Variants in ALDH2 observed in about 807,000 individuals in gnomAD.
ALDH2 encodes aldehyde dehydrogenase 2 family member.
Under a neutral mutation model 59.6 loss-of-function variants are expected in ALDH2, and 44 were observed. The ratio of observed to expected loss-of-function variants is 0.74; its 90% CI spans 0.58 to 0.95. The LOEUF (loss-of-function observed/expected upper bound fraction) is 0.95, where lower values mean the gene tolerates loss of function less well. Ranked by LOEUF, ALDH2 falls within the 40% of genes least tolerant of loss-of-function variation. ALDH2 has a pLI of 0.00. For missense variants in ALDH2, 570 were observed against 696.3 expected (o/e 0.82, Z 2.04); for synonymous variants, 291 against 284.0 (o/e 1.02, Z -0.25).
chr12:111,796,100 A>C (rs888678784), intron 9 of ALDH2, among the ~76,000 whole-genome samples: 1 of 145,876 alleles, frequency 6.9e-6, no homozygotes, highest in African/African-American at 2.5e-5. Context: ...ATCTCTACTA[A>C]AAAAAAAAAA....
rs1282474215 is a variant in ALDH2, at chr12:111,810,480, A to G, written c.*905A>G. The G allele has an allele frequency of 1.3e-5, 2 of 152,070 alleles. No individual in the cohort carries two copies. The highest frequency in any genetic ancestry group is 2.9e-5 in the Non-Finnish European group (2 of 68,012). The allele number at this position is 152,070 out of a possible 1,614,324, so 9.4% of individuals were successfully genotyped here. The stretch of plus-strand genomic sequence containing the variant: ...TGTGCTTGAATGTTTCATGCATTTA[A>G]TTTGTTTCATGCATTTAACTTCTGG... On this transcript the variant is annotated 3_prime_UTR_variant, in exon 13 of 13. Coordinates refer to ENST00000261733, the MANE Select transcript of ALDH2 (RefSeq NM_000690.4).
At chr12:111,781,115 GA>G (rs948470523) in intron 1 of ALDH2, among the ~76,000 whole-genome samples, 1 of 151,274 alleles carries the variant, frequency 6.6e-6, no homozygotes, top group African/African-American at 2.4e-5. Flanking sequence ...TCTCAAAAAA[GA>G]AAAAAAACAA....
At chr12:111,789,114 T>C (rs534691599) in intron 4 of ALDH2, among the ~76,000 whole-genome samples, 4 of 146,504 alleles carry the variant, frequency 2.7e-5, no homozygotes, top group Admixed American at 1.4e-4. Context: ...GCCTCCCAGG[T>C]TTAAGCCATT....
chr12:111,817,497 A>G lies in ALDH2; in HGVS notation c.*7922A>G, dbSNP rs769314079. The stretch of plus-strand genomic sequence containing the variant: ...CTGGAGCTGGTCCTTCTTAGTTGCC[A>G]AAAAAGACATAAGGATTAAAAAGAC... On this transcript the variant is annotated 3_prime_UTR_variant, in exon 13 of 13. Transcript: ENST00000261733. The G allele has an allele frequency of 1.3e-5, 2 of 152,210 alleles. No individual in the cohort carries two copies. The highest frequency in any genetic ancestry group is 2.9e-5 in the Non-Finnish European group (2 of 68,040). The allele number at this position is 152,210 out of a possible 1,614,324, so 9.4% of individuals were successfully genotyped here. A position where few individuals can be genotyped will look rare whatever the true frequency, so the allele number is the denominator to read the frequency against.
At chr12:111,778,283 G>A (rs1252456822) in intron 1 of ALDH2, among the ~76,000 whole-genome samples, 2 of 152,154 alleles carry the variant, frequency 1.3e-5, no homozygotes, top group African/African-American at 4.8e-5. Flanking sequence ...GGTGGCTCAC[G>A]CCTGTAATCC....
intron 6 of ALDH2, 77 bp from the exon 7 acceptor site, chr12:111,791,229 A>G: frequency 9.1e-7 from 1 of 1,093,188 alleles, no homozygotes; most frequent in African/African-American, 1.6e-5. Flanking sequence ...CTCTCTGAGA[A>G]AGGATGTGTC....
intron 5 of ALDH2, among the ~76,000 whole-genome samples, 159 bp from the exon 6 acceptor site, chr12:111,790,275 T>C (rs1406749331): frequency 1.3e-5 from 2 of 152,154 alleles, no homozygotes; most frequent in African/African-American, 4.8e-5. Flanking sequence ...GCCTGCCTCA[T>C]CCATTCATCT....
chr12:111,782,078 G>A (rs1022850698), intron 2 of ALDH2, 56 bp downstream of exon 2: 39 of 1,378,018 alleles, frequency 2.8e-5, no homozygotes, highest in African/African-American at 2.3e-4. Flanking sequence ...TATTTTATAC[G>A]TTTTTGTGTG....
Position 111,812,382 on chromosome 12 carries a change from T to G in ALDH2, c.*2807T>G, listed in dbSNP as rs1032922986. ...CAGCTCGTGCCCTCGGTCTCTTGCC[T>G]CAGCACCTGGATGGCTTGCCGCCCA... On this transcript the variant is annotated 3_prime_UTR_variant, in exon 13 of 13. Transcript: ENST00000261733. 1.1e-4 allele frequency: 17 copies of G among 152,282 alleles called. No individual in the cohort carries two copies. Among genetic ancestry groups the G allele is most frequent in the African/African-American group, 4.1e-4 (17 of 41,550 alleles). 9.4% of individuals were successfully genotyped at this position (152,282 alleles called of 1,614,324 possible).
At chr12:111,808,407 A>T (rs2068512925) in intron 12 of ALDH2, among the ~76,000 whole-genome samples, 2 of 152,138 alleles carry the variant, frequency 1.3e-5, no homozygotes, top group Admixed American at 1.3e-4. Context: ...AAAGTTGTTT[A>T]AAAATTTAAG....
chr12:111,791,474 C>A, intron 7 of ALDH2, 55 bp downstream of exon 7: 1 of 1,338,412 alleles, frequency 7.5e-7, no homozygotes. Flanking sequence ...CTCCCCCTGT[C>A]CTCAGTGGAC....
chr12:111,785,128 G>A, intron 3 of ALDH2, 139 bp from the exon 4 acceptor site: 1 of 735,988 alleles, frequency 1.4e-6, no homozygotes, highest in East Asian at 2.5e-5. Context: ...AGATGCTAGT[G>A]ACATTTGGGG....
intron 1 of ALDH2, among the ~76,000 whole-genome samples, chr12:111,772,942 CA>C (rs34108639): frequency 0.28 from 37,021 of 130,948 alleles, 6,065 homozygotes; most frequent in East Asian, 0.85. Flanking sequence ...GACTCCGTCT[CA>C]AAAAAAAAAA....
At position 111,803,938 on chromosome 12, in the gene ALDH2, G is replaced by A. The variant is rs769724893; in HGVS notation, c.1486G>A (p.Glu496Lys). ...GTCGGGGAGTGGCCGGGAGTTGGGCGAGTACGGGCTGCAGGCATACACTGA... is the reference window on the plus strand; with the variant it reads ...GTCGGGGAGTGGCCGGGAGTTGGGCAAGTACGGGCTGCAGGCATACACTGA... ...KMSGSGRELGEYGLQAYTEVK... is the reference protein window; with the variant it reads ...KMSGSGRELGKYGLQAYTEVK... Residue 496 changes from glutamate (E) to lysine (K), a missense_variant, in exon 12 of 13, where the codon GAG becomes AAG. Glu to Lys is a moderately conservative substitution (Grantham distance 56, BLOSUM62 1). Transcript: ENST00000261733. 11 of 1,612,332 alleles carry A rather than the reference G, an allele frequency of 6.8e-6. No individual in the cohort carries two copies. Among genetic ancestry groups the A allele is most frequent in the South Asian group, 2.2e-5 (2 of 90,800 alleles).
At chr12:111,805,687 T>A (rs1430882655) in intron 12 of ALDH2, among the ~76,000 whole-genome samples, 1 of 152,122 alleles carries the variant, frequency 6.6e-6, no homozygotes, top group African/African-American at 2.4e-5. Flanking sequence ...GTTCGCCAAT[T>A]TCATAAGCGA....
chr12:111,806,842 G>A (rs1184709275), intron 12 of ALDH2, among the ~76,000 whole-genome samples: 1 of 152,036 alleles, frequency 6.6e-6, no homozygotes, highest in Non-Finnish European at 1.5e-5. Flanking sequence ...CTGGTGGCAT[G>A]TGTCTGTGGT....
intron 1 of ALDH2, among the ~76,000 whole-genome samples, chr12:111,772,554 G>A (rs1185160409): frequency 6.6e-6 from 1 of 151,942 alleles, no homozygotes; most frequent in Non-Finnish European, 1.5e-5. Context: ...GTAGAGTTGG[G>A]GTTTCACCAT....
intron 4 of ALDH2, among the ~76,000 whole-genome samples, chr12:111,786,238 T>G (rs1035002581): frequency 6.6e-6 from 1 of 152,122 alleles, no homozygotes. Context: ...ATTGATTGAT[T>G]ATTATTATTA....
chr12:111,768,390 C>T (rs540582027), intron 1 of ALDH2, among the ~76,000 whole-genome samples: 1 of 152,220 alleles, frequency 6.6e-6, no homozygotes, highest in East Asian at 1.9e-4. Context: ...AAGGCACATG[C>T]GTGTGATTTT....
Sources: gnomAD v4.1 joint callset for allele counts (sites outside exome capture counted in the v4.1 genomes callset) on GRCh38, gnomAD v4.1.1 for gene constraint, MANE v1.5 for transcripts, NCBI Gene and HGNC (gene_info 2026-07-23, HGNC 2026-07-21) for gene names.